Variants in ITSN1 observed in about 807,000 individuals in gnomAD.
ITSN1 encodes the protein intersectin-1.
ITSN1 carries 58 observed loss-of-function variants against 239.8 expected under a neutral mutation model. The ratio of observed to expected loss-of-function variants is 0.24; its 90% CI spans 0.20 to 0.30. The LOEUF is 0.30. Ranked by LOEUF, ITSN1 falls within the 10% of genes least tolerant of loss-of-function variation. The pLI is 1.00. For synonymous variants in ITSN1, 780 were observed against 770.8 expected (o/e 1.01, Z -0.20); for missense variants, 1,558 against 2,103.3 (o/e 0.74, Z 5.07).
chr21:33,697,291 C>T (rs979727630), intron 1 of ITSN1, among the ~76,000 whole-genome samples: 38 of 149,180 alleles, frequency 2.5e-4, no homozygotes, highest in Admixed American at 6.7e-5. Flanking sequence ...CATATTGGCC[C>T]GGCTGGTCTC....
At chr21:33,731,057 T>C (rs902147879) in intron 4 of ITSN1, among the ~76,000 whole-genome samples, 2 of 152,222 alleles carry the variant, frequency 1.3e-5, no homozygotes, top group South Asian at 2.1e-4. Context: ...CCCACAGTTA[T>C]GTTTATTGAG....
intron 1 of ITSN1, among the ~76,000 whole-genome samples, chr21:33,717,812 C>A (rs1317648489): frequency 1.3e-5 from 2 of 152,176 alleles, no homozygotes; most frequent in Non-Finnish European, 2.9e-5. Flanking sequence ...TGTGATCCGC[C>A]CGCCTTGGCC....
At chr21:33,763,748 C>T (rs138558700) in intron 9 of ITSN1, among the ~76,000 whole-genome samples, 30 of 152,048 alleles carry the variant, frequency 2.0e-4, no homozygotes, top group African/African-American at 6.0e-4. Context: ...TGAGCATTGC[C>T]TGGGTCCTAC....
chr21:33,722,745 A>G, intron 4 of ITSN1, 94 bp downstream of exon 4: 1 of 1,197,672 alleles, frequency 8.3e-7, no homozygotes, highest in Non-Finnish European at 1.1e-6. Flanking sequence ...TTATGTTATA[A>G]AAGGAGAACA....
chr21:33,701,177 G>A (rs1247341845), intron 1 of ITSN1, among the ~76,000 whole-genome samples: 1 of 152,084 alleles, frequency 6.6e-6, no homozygotes, highest in Non-Finnish European at 1.5e-5. Flanking sequence ...AAATGGATTA[G>A]GCTTGCTTAG....
chr21:33,643,205 C>A (rs2087584358), intron 1 of ITSN1, among the ~76,000 whole-genome samples: 1 of 151,914 alleles, frequency 6.6e-6, no homozygotes, highest in South Asian at 2.1e-4. Context: ...CCTTCCTCGG[C>A]CCCTCGCTCG....
chr21:33,669,647 T>C (rs1213347500), intron 1 of ITSN1, among the ~76,000 whole-genome samples: 1 of 152,060 alleles, frequency 6.6e-6, no homozygotes, highest in Non-Finnish European at 1.5e-5. Flanking sequence ...TTCACTATAT[T>C]GGCCAGGTTG....
intron 16 of ITSN1, among the ~76,000 whole-genome samples, chr21:33,791,188 A>C (rs767669026): frequency 6.6e-6 from 1 of 152,270 alleles, no homozygotes; most frequent in African/African-American, 2.4e-5. Flanking sequence ...AAGAAAAGAG[A>C]AGACCCAGAA....
intron 11 of ITSN1, 55 bp from the exon 12 acceptor site, chr21:33,772,004 GAA>G (rs2069201642): frequency 6.3e-7 from 1 of 1,585,396 alleles, no homozygotes; most frequent in Admixed American, 1.8e-5. Context: ...GTTTTCCTTT[GAA>G]AAGAGTCCGT....
chr21:33,825,110 G>A (rs1374205889), intron 25 of ITSN1, among the ~76,000 whole-genome samples: 1 of 152,084 alleles, frequency 6.6e-6, no homozygotes, highest in Non-Finnish European at 1.5e-5. Context: ...GTTAAAATAC[G>A]AAAGCCATTA....
At chr21:33,685,616 T>TAAA (rs933917476) in intron 1 of ITSN1, among the ~76,000 whole-genome samples, 1 of 109,292 alleles carries the variant, frequency 9.1e-6, no homozygotes, top group African/African-American at 3.4e-5. Context: ...CCTTTTTGAG[T>TAAA]AAAAAAAAAA....
intron 30 of ITSN1, among the ~76,000 whole-genome samples, chr21:33,857,248 T>TG (rs375156383): frequency 1.3e-5 from 2 of 152,106 alleles, no homozygotes; most frequent in African/African-American, 4.8e-5. Context: ...CATCTGGAAA[T>TG]GGGGGGCCAT....
At chr21:33,750,412 A>T in intron 6 of ITSN1, 90 bp downstream of exon 6, 1 of 1,178,732 alleles carries the variant, frequency 8.5e-7, no homozygotes. Context: ...CGTTCTGATT[A>T]TGTTTAAATG....
intron 14 of ITSN1, among the ~76,000 whole-genome samples, chr21:33,777,276 A>C (rs1051615534): frequency 2.0e-5 from 3 of 152,210 alleles, no homozygotes; most frequent in African/African-American, 7.2e-5. Flanking sequence ...AAATCAGTTG[A>C]ACATATTTGT....
intron 1 of ITSN1, among the ~76,000 whole-genome samples, chr21:33,645,675 T>C (rs1298323408): frequency 6.6e-6 from 1 of 152,016 alleles, no homozygotes; most frequent in Non-Finnish European, 1.5e-5. Flanking sequence ...AGTAAATAAA[T>C]ACATAAAAAT....
At chr21:33,806,269 A>C (rs754271947) in intron 20 of ITSN1, among the ~76,000 whole-genome samples, 3 of 152,130 alleles carry the variant, frequency 2.0e-5, no homozygotes, top group African/African-American at 7.2e-5. Flanking sequence ...TTATATTTCA[A>C]AACCGGCAAA....
At chr21:33,798,914 T>C (rs1021314342) in intron 18 of ITSN1, among the ~76,000 whole-genome samples, 5 of 152,184 alleles carry the variant, frequency 3.3e-5, no homozygotes, top group African/African-American at 1.2e-4. Flanking sequence ...ATTTCACCAT[T>C]GATCTTAGGA....
chr21:33,834,294 A>G lies in ITSN1; in HGVS notation c.3352-13A>G. ...GCCTTTAAAAATGTTTGATGTAATT[A>G]TTTTCTTACTAGGCACGTGGGAAAA... On this transcript the variant is annotated splice_polypyrimidine_tract_variant and intron_variant, in intron 27 of 39. Transcript: ENST00000381318. 6.3e-7 allele frequency: 1 copy of G among 1,596,616 alleles called. No homozygotes were observed. The highest frequency in any genetic ancestry group is 8.6e-7 in the Non-Finnish European group (1 of 1,164,430).
intron 1 of ITSN1, among the ~76,000 whole-genome samples, chr21:33,702,762 T>C (rs998282911): frequency 4.6e-5 from 7 of 152,236 alleles, no homozygotes; most frequent in African/African-American, 1.7e-4. Context: ...TACTTTTTTA[T>C]CATGCAAAAT....
Sources: gnomAD v4.1 joint callset for allele counts (sites outside exome capture counted in the v4.1 genomes callset) on GRCh38, gnomAD v4.1.1 for gene constraint, MANE v1.5 for transcripts, NCBI Gene and HGNC (gene_info 2026-07-23, HGNC 2026-07-21) for gene names.